The following TPO variants were observed in gnomAD, a reference collection of about 807,000 sequenced individuals.
The protein encoded by TPO is thyroid microsomal antigen.
A neutral mutation model predicts 96.9 loss-of-function variants in TPO; 78 were observed. The observed-to-expected ratio is 0.81, with a 90% CI of 0.67 to 0.97. TPO has a LOEUF of 0.97. Among genes scored for constraint, TPO ranks in the 50% least tolerant of loss-of-function variants. The pLI is 0.00. For synonymous variants in TPO, 547 were observed against 538.0 expected, an observed-to-expected ratio of 1.02 and a Z score of -0.23; for missense variants, 1,252 against 1,274.8, an observed-to-expected ratio of 0.98 and a Z score of 0.27.
intron 15 of TPO, among the ~76,000 whole-genome samples, chr2:1,534,021 C>T (rs1156975602): frequency 1.0e-5 from 1 of 100,038 alleles, no homozygotes; most frequent in Non-Finnish European, 2.2e-5. Context: ...CAAATCCCCC[C>T]CAATCTGTGC....
chr2:1,489,324 C>A (rs1309651516), intron 10 of TPO, among the ~76,000 whole-genome samples: 1 of 152,158 alleles, frequency 6.6e-6, no homozygotes, highest in East Asian at 1.9e-4. Flanking sequence ...ATGCCCAGCA[C>A]ACACCTTGCC....
At chr2:1,528,716 C>G (rs1327266297) in intron 15 of TPO, among the ~76,000 whole-genome samples, 3 of 125,066 alleles carry the variant, frequency 2.4e-5, no homozygotes, top group Non-Finnish European at 5.0e-5. Flanking sequence ...CCCCAAATCC[C>G]ACCCACTCTG....
intron 1 of TPO, among the ~76,000 whole-genome samples, chr2:1,401,422 T>C (rs1662169579): frequency 6.6e-6 from 1 of 152,114 alleles, no homozygotes. Flanking sequence ...ATTAGTAAAG[T>C]CGCTAGTTCT....
rs139895579 is a variant in TPO at position 1,464,096 on chromosome 2, G to A, written c.819+7814G>A. 3.0e-3 allele frequency among the ~76,000 whole-genome samples: 455 copies of A among 152,108 alleles called. 1 individual carries two copies. Among genetic ancestry groups the A allele is most frequent in the African/African-American group, 0.01 (423 of 41,460 alleles). ...CCAAAGTCCACTGTGTCATTCTTAC[G>A]CCTTTACATCCCCATAGCTGAGGTG... is the stretch of plus-strand genomic sequence containing the variant. On this transcript the variant is annotated intron_variant, in intron 7 of 16. Transcript: ENST00000329066.
intron 7 of TPO, among the ~76,000 whole-genome samples, chr2:1,474,193 T>C (rs771426897): frequency 2.0e-5 from 3 of 152,244 alleles, no homozygotes; most frequent in African/African-American, 4.8e-5. Context: ...TAACCAGGAA[T>C]GGTAAGTAAT....
At chr2:1,530,561 C>A (rs1286050843) in intron 15 of TPO, among the ~76,000 whole-genome samples, 2 of 97,548 alleles carry the variant, frequency 2.1e-5, no homozygotes, top group Non-Finnish European at 4.0e-5. Context: ...TTGTGGGCAA[C>A]GTCACAAAAT....
chr2:1,430,236 T>C (rs1664841224), intron 3 of TPO, among the ~76,000 whole-genome samples: 1 of 152,242 alleles, frequency 6.6e-6, no homozygotes, highest in Non-Finnish European at 1.5e-5. Flanking sequence ...GGCTCTGGGC[T>C]TGGCTCAGAG....
At chr2:1,474,270 C>T (rs1669700627) in intron 7 of TPO, among the ~76,000 whole-genome samples, 2 of 152,166 alleles carry the variant, frequency 1.3e-5, no homozygotes, top group Admixed American at 1.3e-4. Flanking sequence ...TTGCTGACAC[C>T]CTGGAAAATA....
At chr2:1,419,791 T>G (rs982527964) in intron 2 of TPO, among the ~76,000 whole-genome samples, 1 of 152,226 alleles carries the variant, frequency 6.6e-6, no homozygotes, top group Non-Finnish European at 1.5e-5. Flanking sequence ...GTTTCCATCT[T>G]GGGGCGCTCA....
intron 13 of TPO, among the ~76,000 whole-genome samples, chr2:1,501,301 A>G (rs879744605): frequency 6.6e-6 from 1 of 150,912 alleles, no homozygotes; most frequent in Non-Finnish European, 1.5e-5. Flanking sequence ...AAGGCGAAGC[A>G]GTCGGAGAGC....
intron 15 of TPO, among the ~76,000 whole-genome samples, chr2:1,522,766 C>T (rs1675461196): frequency 6.9e-6 from 1 of 143,988 alleles, no homozygotes; most frequent in Non-Finnish European, 1.5e-5. Context: ...AATCCCCCCA[C>T]TGTGTGCAAC....
rs547339082 is a variant in TPO, at chr2:1,503,955, C to T, written c.2394C>T (p.Asn798=). The change falls in exon 14 of 17, where the codon AAC becomes AAT. Residue 798 remains asparagine (N), a synonymous_variant. Coordinates refer to ENST00000329066, the MANE Select transcript of TPO (RefSeq NM_001206744.2). ...GCCTTGTGTGTCTGGCAGATGTGAA[C>T]GAGTGTGCAGACGGTGCCCACCCCC... ...DFQPPLCKDV[N]ECADGAHPPC... The T allele has an allele frequency of 9.2e-5, 149 of 1,614,120 alleles. No individual in the cohort carries two copies. In the South Asian group the frequency reaches 9.3e-4, roughly 10 times the overall value.
In TPO at chr2:1,477,163, G is replaced by A; in HGVS notation, c.897G>A (p.Gly299=). The change falls in exon 8 of 17, where the codon GGG becomes GGA. Residue 299 remains glycine (G), a synonymous_variant. Transcript: ENST00000329066. ...GCTCTTCGGCCGCCTGCGGCACCGG[G>A]GACCAAGGCGCGCTCTTTGGGAACC... ...FYRSSAACGT[G]DQGALFGNLS... The A allele has an allele frequency of 6.2e-7, 1 of 1,610,020 alleles. No individual in the cohort carries two copies. The highest frequency in any genetic ancestry group is 2.2e-5 in the East Asian group (1 of 44,760).
At chr2:1,452,297 T>G (rs1667378870) in intron 5 of TPO, among the ~76,000 whole-genome samples, 1 of 152,228 alleles carries the variant, frequency 6.6e-6, no homozygotes, top group Admixed American at 6.5e-5. Context: ...ATTGATGAGA[T>G]GGGTGGAGTT....
At chr2:1,448,341 G>A (rs1054440950) in intron 5 of TPO, among the ~76,000 whole-genome samples, 1 of 152,188 alleles carries the variant, frequency 6.6e-6, no homozygotes, top group East Asian at 1.9e-4. Context: ...TGTCAGGTCC[G>A]CCTCCTTTCC....
chr2:1,478,372 T>G (rs1316794437), intron 8 of TPO: 2 of 985,210 alleles, frequency 2.0e-6, no homozygotes, highest in Non-Finnish European at 2.4e-6. Flanking sequence ...GGCCTGGGCA[T>G]CGTGTCTGCA....
At chr2:1,384,202 C>G (rs1167582246) in intron 1 of TPO, among the ~76,000 whole-genome samples, 1 of 152,134 alleles carries the variant, frequency 6.6e-6, no homozygotes, top group Non-Finnish European at 1.5e-5. Flanking sequence ...AATGCAGGCT[C>G]TTTTTTGGTT....
chr2:1,423,091 G>C lies in TPO; in HGVS notation c.141G>C (p.Lys47Asn). 1 of 1,614,172 alleles carries C rather than the reference G, an allele frequency of 6.2e-7. No homozygotes were observed. Among genetic ancestry groups the C allele is most frequent in the Non-Finnish European group, 8.5e-7 (1 of 1,180,044 alleles). The change falls in exon 3 of 17, where the codon AAG becomes AAC. Residue 47 changes from lysine to asparagine, a missense_variant. Lys to Asn is a moderately conservative substitution (Grantham distance 94, BLOSUM62 0). Transcript: ENST00000329066. The part of the protein sequence containing the change: ...SRVSSVLEES[K>N]RLVDTAMYAT... ...TCTCTAGCGTCTTGGAGGAAAGCAA[G>C]CGCCTGGTGGACACCGCCATGTACG...
At chr2:1,377,425 A>G (rs927733201) in intron 1 of TPO, among the ~76,000 whole-genome samples, 1 of 152,124 alleles carries the variant, frequency 6.6e-6, no homozygotes, top group Non-Finnish European at 1.5e-5. Context: ...GATTCTGGAG[A>G]TTTCTGTGCT....
Sources: allele counts gnomAD v4.1 joint callset (sites outside exome capture counted in the v4.1 genomes callset), GRCh38; gene constraint gnomAD v4.1.1; transcripts MANE v1.5; gene names NCBI Gene and HGNC (gene_info 2026-07-23, HGNC 2026-07-21).